PHLDB2: variants seen among roughly 807,000 people sequenced by gnomAD.
PHLDB2 encodes the protein pleckstrin homology like domain family B member 2.
PHLDB2 carries 71 observed loss-of-function variants against 123.6 expected under a neutral mutation model. That is an observed-to-expected ratio of 0.57 (90% confidence interval 0.47 to 0.70). The LOEUF is 0.70. Ranked by LOEUF, PHLDB2 falls within the 30% of genes least tolerant of loss-of-function variation. The pLI is 0.00. For missense variants in PHLDB2, 1,446 were observed against 1,519.5 expected (o/e 0.95, Z 0.80); for synonymous variants, 547 against 541.6 (o/e 1.01, Z -0.14).
chr3:111,939,548 G>A lies in PHLDB2; in HGVS notation c.2204G>A (p.Arg735His), dbSNP rs768431705. ...LEFQQLEHES[R>H]LDEEKENLTQ... Reference sequence around the variant, plus strand: ...TTCCAGCAGCTTGAACATGAGAGCCGTCTAGATGAAGAAAAGGAGAACTTG... The same window carrying A: ...TTCCAGCAGCTTGAACATGAGAGCCATCTAGATGAAGAAAAGGAGAACTTG... The change falls in exon 7 of 18, where the codon CGT becomes CAT. Residue 735 changes from arginine (R) to histidine (H), a missense_variant. Transcript: ENST00000431670. 9.3e-6 allele frequency: 15 copies of A among 1,613,822 alleles called. No homozygotes were observed. The highest frequency in any genetic ancestry group is 5.5e-5 in the South Asian group (5 of 91,048).
chr3:111,868,503 C>T (rs1303884283), intron 1 of PHLDB2, among the ~76,000 whole-genome samples: 2 of 151,884 alleles, frequency 1.3e-5, no homozygotes, highest in Non-Finnish European at 1.5e-5. Context: ...TGGGGACTTT[C>T]CCATATTTTA....
In PHLDB2 at chr3:111,919,048, C is replaced by T. The variant is rs1186015616; in HGVS notation, c.1720-24C>T. The T allele has an allele frequency of 1.2e-5, 19 of 1,610,406 alleles. No homozygotes were observed. The Admixed American group carries it at 3.2e-4, about 27-fold the overall frequency. On this transcript the variant is annotated intron_variant, in intron 3 of 17. Transcript: ENST00000431670. ...TTCTAGAACTGAGGTGTGAATAATCCATTTCTGTGTTGATTAATCGCAGAC... is the reference window on the plus strand; with the variant it reads ...TTCTAGAACTGAGGTGTGAATAATCTATTTCTGTGTTGATTAATCGCAGAC...
intron 1 of PHLDB2, among the ~76,000 whole-genome samples, chr3:111,775,954 C>T (rs2060260679): frequency 6.6e-6 from 1 of 152,158 alleles, no homozygotes. Flanking sequence ...CTGACAGCTG[C>T]TGGTGAAAGC....
intron 16 of PHLDB2, among the ~76,000 whole-genome samples, chr3:111,971,455 C>CA (rs35190508): frequency 0.39 from 59,128 of 151,746 alleles, 12,068 homozygotes; most frequent in East Asian, 0.56. Context: ...AAAAAAATAC[C>CA]AAAACCTTCT....
At chr3:111,953,267 C>G (rs894070670) in intron 11 of PHLDB2, among the ~76,000 whole-genome samples, 28 of 152,088 alleles carry the variant, frequency 1.8e-4, no homozygotes, top group African/African-American at 6.3e-4. Flanking sequence ...TGATGCCCGC[C>G]CAAGCTCTCC....
chr3:111,742,138 G>A (rs923288945), intron 1 of PHLDB2, among the ~76,000 whole-genome samples: 2 of 152,120 alleles, frequency 1.3e-5, no homozygotes, highest in Non-Finnish European at 2.9e-5. Context: ...CCCCTAAAGG[G>A]ATTGGTTGAG....
intron 1 of PHLDB2, among the ~76,000 whole-genome samples, chr3:111,831,089 A>G (rs536196733): frequency 1.3e-5 from 2 of 152,042 alleles, no homozygotes; most frequent in South Asian, 4.1e-4. Flanking sequence ...GAAGAAAGAA[A>G]GGCATGAGCC....
chr3:111,846,070 T>C, intron 2 of PHLDB2: 1 of 890,026 alleles, frequency 1.1e-6, no homozygotes, highest in Non-Finnish European at 1.7e-6. Flanking sequence ...AGCCTGAGGC[T>C]GGCAATCCTT....
chr3:111,888,576 C>G (rs865874733), intron 2 of PHLDB2, among the ~76,000 whole-genome samples: 10 of 152,126 alleles, frequency 6.6e-5, no homozygotes, highest in Non-Finnish European at 1.3e-4. Flanking sequence ...TTCCAATCAT[C>G]GCAAAGCTCA....
intron 2 of PHLDB2, among the ~76,000 whole-genome samples, chr3:111,906,975 T>C (rs2067579240): frequency 6.6e-6 from 1 of 152,210 alleles, no homozygotes. Context: ...AATAAAATAA[T>C]GTGTGGCTAA....
chr3:111,836,511 G>A (rs530531996), intron 1 of PHLDB2, among the ~76,000 whole-genome samples: 120 of 152,114 alleles, frequency 7.9e-4, no homozygotes, highest in Middle Eastern at 3.4e-3. Flanking sequence ...AGAAGAGAGA[G>A]CAAGCATTAG....
intron 1 of PHLDB2, among the ~76,000 whole-genome samples, chr3:111,822,291 A>ATGTGTGTGTGTG (rs1385316509): frequency 1.6e-4 from 14 of 87,118 alleles, no homozygotes; most frequent in Admixed American, 1.2e-3. Flanking sequence ...CTCTATCTTT[A>ATGTGTGTGTGTG]TGTATGTGTG....
chr3:111,896,233 G>A (rs547337205), intron 2 of PHLDB2, among the ~76,000 whole-genome samples: 34 of 152,212 alleles, frequency 2.2e-4, no homozygotes, highest in Non-Finnish European at 4.4e-5. Flanking sequence ...GATTACAGGC[G>A]TGAGCCACCA....
chr3:111,948,325 C>T (rs2070456889), intron 9 of PHLDB2, among the ~76,000 whole-genome samples: 2 of 151,974 alleles, frequency 1.3e-5, no homozygotes, highest in African/African-American at 4.8e-5. Flanking sequence ...GACTCACCTG[C>T]ATGAAAGGAC....
chr3:111,800,235 G>A (rs1196365728), intron 1 of PHLDB2, among the ~76,000 whole-genome samples: 1 of 152,096 alleles, frequency 6.6e-6, no homozygotes, highest in African/African-American at 2.4e-5. Flanking sequence ...TTAAATTCGT[G>A]GGCTCAAGTT....
At chr3:111,890,247 C>T (rs2066400296) in intron 2 of PHLDB2, among the ~76,000 whole-genome samples, 1 of 152,184 alleles carries the variant, frequency 6.6e-6, no homozygotes, top group Non-Finnish European at 1.5e-5. Flanking sequence ...CAAACCAAAA[C>T]CCCAGTGAAA....
chr3:111,939,599 C>T lies in PHLDB2; in HGVS notation c.2255C>T (p.Ala752Val). The change falls in exon 7 of 18, where the codon GCT becomes GTT. Residue 752 changes from alanine to valine, a missense_variant. Coordinates refer to ENST00000431670, the MANE Select transcript of PHLDB2 (RefSeq NM_001134438.2). Reference protein sequence around the residue: ...NLTQQLLREVAEYQRNIVSRK... With the variant: ...NLTQQLLREVVEYQRNIVSRK... ...ACTCAACAGCTCCTGCGTGAAGTTG[C>T]TGAATATCAACGGAACATCGTTTCT... 6.2e-7 allele frequency: 1 copy of T among 1,613,042 alleles called. No homozygotes were observed. The highest frequency in any genetic ancestry group is 1.1e-5 in the South Asian group (1 of 90,752).
intron 2 of PHLDB2, among the ~76,000 whole-genome samples, chr3:111,908,184 A>T (rs1177377281): frequency 6.6e-6 from 1 of 152,134 alleles, no homozygotes; most frequent in Non-Finnish European, 1.5e-5. Context: ...TCTACCCTAA[A>T]CAAAGACACT....
intron 14 of PHLDB2, 143 bp downstream of exon 14, chr3:111,966,846 T>C (rs2071802795): frequency 1.6e-6 from 1 of 618,512 alleles, no homozygotes; most frequent in African/African-American, 1.9e-5. Context: ...TTTTCTTATC[T>C]GAAAAATAAA....
Sources: allele counts gnomAD v4.1 joint callset (sites outside exome capture counted in the v4.1 genomes callset), GRCh38; gene constraint gnomAD v4.1.1; transcripts MANE v1.5; gene names NCBI Gene and HGNC (gene_info 2026-07-23, HGNC 2026-07-21).